The following SEPTIN9 variants were observed in gnomAD, a reference collection of about 807,000 sequenced individuals.
SEPTIN9 encodes septin-9.
In SEPTIN9, 13 loss-of-function variants were observed where a neutral mutation model predicts 56.6. The ratio of observed to expected loss-of-function variants is 0.23; its 90% CI spans 0.15 to 0.37. The LOEUF (loss-of-function observed/expected upper bound fraction) is 0.37, where lower values mean the gene tolerates loss of function less well. SEPTIN9 is among the 10% of genes least tolerant of loss of function. SEPTIN9 has a pLI of 1.00. For missense variants in SEPTIN9, 650 were observed against 823.1 expected (o/e 0.79, Z 2.57); for synonymous variants, 332 against 334.1 (o/e 0.99, Z 0.07).
intron 2 of SEPTIN9, among the ~76,000 whole-genome samples, chr17:77,377,719 G>T (rs1451750311): frequency 6.6e-6 from 1 of 152,296 alleles, no homozygotes; most frequent in East Asian, 1.9e-4. Flanking sequence ...GAGCTGGCGC[G>T]CTGGCAGGAT....
intron 4 of SEPTIN9, among the ~76,000 whole-genome samples, chr17:77,484,969 G>T (rs2039666705): frequency 1.3e-5 from 1 of 77,778 alleles, no homozygotes; most frequent in Non-Finnish European, 2.8e-5. Flanking sequence ...TGGTGGTGAA[G>T]GGGGTGATGG....
chr17:77,460,994 C>G (rs2038448052), intron 3 of SEPTIN9, among the ~76,000 whole-genome samples: 1 of 152,110 alleles, frequency 6.6e-6, no homozygotes, highest in African/African-American at 2.4e-5. Flanking sequence ...GTCTGTGTTA[C>G]CCAGGGCCCT....
chr17:77,442,608 C>T (rs2037590506), intron 3 of SEPTIN9, among the ~76,000 whole-genome samples: 1 of 151,216 alleles, frequency 6.6e-6, no homozygotes, highest in South Asian at 2.1e-4. Flanking sequence ...TGCGATGGCT[C>T]ACGCCTGTAA....
At chr17:77,361,638 T>A (rs1044773285) in intron 2 of SEPTIN9, among the ~76,000 whole-genome samples, 4 of 151,898 alleles carry the variant, frequency 2.6e-5, no homozygotes, top group Non-Finnish European at 5.9e-5. Flanking sequence ...TCTTTTCTTT[T>A]CTTTTTTTTT....
At chr17:77,468,446 A>G (rs993474964) in intron 3 of SEPTIN9, among the ~76,000 whole-genome samples, 14 of 152,320 alleles carry the variant, frequency 9.2e-5, no homozygotes, top group Non-Finnish European at 1.9e-4. Context: ...CTGTGCGTGG[A>G]TGGAAGCTGA....
intron 3 of SEPTIN9, chr17:77,481,847 G>A: frequency 8.7e-6 from 4 of 459,428 alleles, no homozygotes; most frequent in Admixed American, 3.6e-5. Context: ...AGCGCAGGGG[G>A]CCCCCAGCTT....
Position 77,486,528 on chromosome 17 carries a change from A to ATGTG in SEPTIN9, c.914-896_914-895insTGTG, listed in dbSNP as rs1568114397. On this transcript the variant is annotated intron_variant, in intron 4 of 11. Transcript: ENST00000427177. ...TGTGTGTGTGTGTGTGTGTGCGCGC[A>ATGTG]CGCGCGCGCGTGTTATATGTGATTT... Among the ~76,000 whole-genome samples, 141 of 100,476 alleles carry ATGTG rather than the reference A, an allele frequency of 1.4e-3. 1 individual carries two copies. The highest frequency in any genetic ancestry group is 0.013 in the Middle Eastern group (3 of 224). The allele number at this position is 100,476 out of a possible 152,430, so 65.9% of individuals were successfully genotyped here. A position where few individuals can be genotyped will look rare whatever the true frequency, so the allele number is the denominator to read the frequency against.
intron 3 of SEPTIN9, among the ~76,000 whole-genome samples, chr17:77,413,487 T>C (rs1437279970): frequency 6.6e-6 from 1 of 152,330 alleles, no homozygotes; most frequent in East Asian, 1.9e-4. Flanking sequence ...GTGATTGACA[T>C]GATTGATCAG....
At chr17:77,488,982 G>A (rs1187538379) in intron 7 of SEPTIN9, 118 bp downstream of exon 7, 5 of 1,290,198 alleles carry the variant, frequency 3.9e-6, no homozygotes, top group African/African-American at 1.5e-5. Context: ...TGAGTCAGGG[G>A]CCATGGCCGC....
At chr17:77,461,426 C>A (rs926359829) in intron 3 of SEPTIN9, among the ~76,000 whole-genome samples, 1 of 152,160 alleles carries the variant, frequency 6.6e-6, no homozygotes, top group African/African-American at 2.4e-5. Context: ...ACCGCCCCCA[C>A]CCTTGGGCTA....
chr17:77,303,635 C>T (rs1191739768), intron 1 of SEPTIN9, among the ~76,000 whole-genome samples: 1 of 151,732 alleles, frequency 6.6e-6, no homozygotes, highest in African/African-American at 2.4e-5. Flanking sequence ...GAACTGAGAT[C>T]GTGCCACTGC....
chr17:77,391,251 GCTCTAGGCCTC>G (rs903186069), intron 2 of SEPTIN9, among the ~76,000 whole-genome samples: 2 of 152,176 alleles, frequency 1.3e-5, no homozygotes, highest in African/African-American at 4.8e-5. Flanking sequence ...GCCACAGCAG[GCTCTAGGCCTC>G]CTCCCGTTTC....
At chr17:77,490,028 C>T (rs1482274647) in intron 7 of SEPTIN9, among the ~76,000 whole-genome samples, 1 of 152,250 alleles carries the variant, frequency 6.6e-6, no homozygotes, top group African/African-American at 2.4e-5. Context: ...AGCACTGACC[C>T]TTTGGCTGGG....
chr17:77,423,553 G>C (rs2036780820), intron 3 of SEPTIN9, among the ~76,000 whole-genome samples: 1 of 152,218 alleles, frequency 6.6e-6, no homozygotes, highest in Admixed American at 6.5e-5. Flanking sequence ...TGTTGGGGTG[G>C]GAACGGGAGC....
At chr17:77,377,374 A>G (rs1184144928) in intron 2 of SEPTIN9, 3 of 152,070 alleles carry the variant, frequency 2.0e-5, no homozygotes, top group South Asian at 2.1e-4. Context: ...TATCGCAAAC[A>G]CGATTACAAC....
chr17:77,284,669 TCC>T (rs1254165961), intron 1 of SEPTIN9, among the ~76,000 whole-genome samples: 1 of 152,168 alleles, frequency 6.6e-6, no homozygotes, highest in Non-Finnish European at 1.5e-5. Flanking sequence ...TCACTCTGTC[TCC>T]CAGGCTGGAG....
chr17:77,308,502 C>T (rs1014113781), intron 2 of SEPTIN9, among the ~76,000 whole-genome samples: 8 of 152,248 alleles, frequency 5.3e-5, no homozygotes, highest in Non-Finnish European at 7.3e-5. Flanking sequence ...GTATGGTAGC[C>T]GCTTAGCCGC....
At chr17:77,462,587 G>A (rs1217827017) in intron 3 of SEPTIN9, among the ~76,000 whole-genome samples, 1 of 152,142 alleles carries the variant, frequency 6.6e-6, no homozygotes, top group East Asian at 1.9e-4. Flanking sequence ...CCCGGCCTAG[G>A]CCTGAACAGT....
At chr17:77,491,564 G>A (rs984959299) in intron 8 of SEPTIN9, among the ~76,000 whole-genome samples, 1 of 151,212 alleles carries the variant, frequency 6.6e-6, no homozygotes, top group Non-Finnish European at 1.5e-5. Flanking sequence ...TGTAATCCCA[G>A]CACTTTGGGA....
Sources: allele counts gnomAD v4.1 joint callset (sites outside exome capture counted in the v4.1 genomes callset), GRCh38; gene constraint gnomAD v4.1.1; transcripts MANE v1.5; gene names NCBI Gene and HGNC (gene_info 2026-07-23, HGNC 2026-07-21).